TBC1D19: variants seen among roughly 807,000 people sequenced by gnomAD.
The protein encoded by TBC1D19 is TBC1 domain family member 19, also known as TBC1 domain family, member 19.
Under a neutral mutation model 89.0 loss-of-function variants are expected in TBC1D19, and 60 were observed. The observed-to-expected ratio is 0.67, with a 90% CI of 0.55 to 0.84. TBC1D19 has a LOEUF of 0.84. TBC1D19 is among the 40% of genes least tolerant of loss of function. The pLI is 0.00. For synonymous variants in TBC1D19, 189 were observed against 199.7 expected (o/e 0.95, Z 0.45); for missense variants, 500 against 610.8 (o/e 0.82, Z 1.91).
intron 7 of TBC1D19, among the ~76,000 whole-genome samples, chr4:26,652,069 G>C: frequency 6.6e-6 from 1 of 152,112 alleles, no homozygotes. Flanking sequence ...AAGCCCACTA[G>C]ATCATGGTGG....
At chr4:26,777,931 G>A in the TBC1D19 span, among the ~76,000 whole-genome samples, 1 of 151,990 alleles carries the variant, frequency 6.6e-6, no homozygotes, top group Admixed American at 6.6e-5. Flanking sequence ...AAATTAACAG[G>A]GCGTGGCGGT....
At chr4:26,836,645 T>C in the TBC1D19 span, among the ~76,000 whole-genome samples, 1 of 152,236 alleles carries the variant, frequency 6.6e-6, no homozygotes, top group Non-Finnish European at 1.5e-5. Context: ...AGTCCTGCTC[T>C]AGTTTTGAGA....
At chr4:26,705,662 C>T (rs1715682563) in intron 13 of TBC1D19, among the ~76,000 whole-genome samples, 1 of 152,082 alleles carries the variant, frequency 6.6e-6, no homozygotes, top group Non-Finnish European at 1.5e-5. Context: ...GTACATCTGT[C>T]TTTATGCCAA....
At chr4:26,816,417 AAGAAAACAAGTG>A in the TBC1D19 span, among the ~76,000 whole-genome samples, 1 of 152,212 alleles carries the variant, frequency 6.6e-6, no homozygotes, top group Non-Finnish European at 1.5e-5. Context: ...TTCAGTGGAT[AAGAAAACAAGTG>A]GGAGAGTTTA....
chr4:26,580,765 AG>A (rs1272140577), upstream of TBC1D19, among the ~76,000 whole-genome samples: 1 of 152,250 alleles, frequency 6.6e-6, no homozygotes, highest in East Asian at 1.9e-4. Flanking sequence ...ATGTGAATAA[AG>A]TAAAGATATG....
At chr4:26,842,582 CCCTT>C in the TBC1D19 span, among the ~76,000 whole-genome samples, 5 of 95,394 alleles carry the variant, frequency 5.2e-5, no homozygotes, top group African/African-American at 2.0e-4. Context: ...CTTCCTCCCT[CCCTT>C]TCTTTCTTTC....
the TBC1D19 span, among the ~76,000 whole-genome samples, chr4:26,778,023 T>C: frequency 6.8e-6 from 1 of 146,324 alleles, no homozygotes; most frequent in Admixed American, 6.9e-5. Flanking sequence ...CAGTTGCGTC[T>C]CAACCTGGGC....
chr4:26,703,280 A>G (rs1715473809), intron 13 of TBC1D19, among the ~76,000 whole-genome samples: 1 of 152,246 alleles, frequency 6.6e-6, no homozygotes, highest in Admixed American at 6.5e-5. Context: ...AGTCTGAATT[A>G]TTAGAAATTT....
chr4:26,620,849 T>C (rs1197763751), intron 4 of TBC1D19, among the ~76,000 whole-genome samples, 161 bp downstream of exon 4: 1 of 152,222 alleles, frequency 6.6e-6, no homozygotes, highest in Admixed American at 6.5e-5. Flanking sequence ...TCCCATTTTA[T>C]ATTCAGTAAC....
At chr4:26,661,979 G>A (rs1577897318) in intron 8 of TBC1D19, among the ~76,000 whole-genome samples, 1 of 152,262 alleles carries the variant, frequency 6.6e-6, no homozygotes, top group Admixed American at 6.5e-5. Flanking sequence ...GGTGGCTAAG[G>A]CCTGTGTTTT....
At chr4:26,676,059 C>G (rs1294255518) in intron 11 of TBC1D19, among the ~76,000 whole-genome samples, 1 of 152,142 alleles carries the variant, frequency 6.6e-6, no homozygotes, top group Admixed American at 6.5e-5. Flanking sequence ...AAATTAAAGA[C>G]AGAAAATGTT....
Position 26,721,262 on chromosome 4 carries a change from CA to C in TBC1D19, c.1084+1141del, listed in dbSNP as rs532710575. ...TGTTTTATCTTCTTATGCCCACCCC[CA>C]AAAGAAAAAAGAAGAAACTAAATTA... On this transcript the variant is annotated intron_variant, in intron 15 of 20. Coordinates refer to ENST00000264866, the MANE Select transcript of TBC1D19 (RefSeq NM_018317.4). Among the ~76,000 whole-genome samples the C allele has an allele frequency of 2.1e-4, 32 of 151,804 alleles. 1 individual carries two copies. In the East Asian group the frequency reaches 4.5e-3, roughly 21 times the overall value.
the TBC1D19 span, among the ~76,000 whole-genome samples, chr4:26,818,894 A>G: frequency 6.6e-6 from 1 of 152,230 alleles, no homozygotes; most frequent in Non-Finnish European, 1.5e-5. Context: ...TAACCACTGT[A>G]TAATTATCAA....
Position 26,718,032 on chromosome 4 carries a change from AT to A in TBC1D19, c.1039+19del. 6.3e-7 allele frequency: 1 copy of A among 1,586,918 alleles called. No homozygotes were observed. On this transcript the variant is annotated intron_variant, in intron 14 of 20. Transcript: ENST00000264866. Reference sequence around the variant, plus strand: ...ATACATAAGAGGTAAATTTTTAATAATTTTAAGGAAGTATTAAGACTTACAT... The same window carrying A: ...ATACATAAGAGGTAAATTTTTAATAATTTAAGGAAGTATTAAGACTTACAT...
At chr4:26,592,199 T>A (rs185388256) in intron 1 of TBC1D19, among the ~76,000 whole-genome samples, 151 of 152,290 alleles carry the variant, frequency 9.9e-4, no homozygotes, top group Admixed American at 1.6e-3. Context: ...AAATCAATAA[T>A]TGTAATCCAG....
chr4:26,793,175 G>A, the TBC1D19 span, among the ~76,000 whole-genome samples: 12 of 152,132 alleles, frequency 7.9e-5, no homozygotes, highest in African/African-American at 2.9e-4. Flanking sequence ...AGTGAGGGAT[G>A]CACCTGGGAA....
chr4:26,776,221 G>A, the TBC1D19 span, among the ~76,000 whole-genome samples: 1 of 152,070 alleles, frequency 6.6e-6, no homozygotes, highest in Non-Finnish European at 1.5e-5. Flanking sequence ...CTTTTCAGGT[G>A]CTCAGAGGTA....
chr4:26,672,605 C>T (rs1209065601), intron 10 of TBC1D19, among the ~76,000 whole-genome samples: 1 of 152,002 alleles, frequency 6.6e-6, no homozygotes, highest in Non-Finnish European at 1.5e-5. Context: ...AGTGACCATT[C>T]ACAGTGGTGT....
intron 11 of TBC1D19, among the ~76,000 whole-genome samples, chr4:26,677,334 T>C (rs1432217686): frequency 6.6e-6 from 1 of 151,980 alleles, no homozygotes; most frequent in African/African-American, 2.4e-5. Flanking sequence ...TTTTTTTTTT[T>C]TTGAGACGAA....
Sources: allele counts gnomAD v4.1 joint callset (sites outside exome capture counted in the v4.1 genomes callset), GRCh38; gene constraint gnomAD v4.1.1; transcripts MANE v1.5; gene names NCBI Gene and HGNC (gene_info 2026-07-23, HGNC 2026-07-21).